The following GSTCD variants were observed in gnomAD, a reference collection of about 807,000 sequenced individuals.
GSTCD encodes the protein glutathione S-transferase C-terminal domain-containing protein.
GSTCD carries 44 observed loss-of-function variants against 68.3 expected under a neutral mutation model. The ratio of observed to expected loss-of-function variants is 0.64; its 90% confidence interval spans 0.51 to 0.83. GSTCD has a LOEUF of 0.83. Ranked by LOEUF, GSTCD falls within the 40% of genes least tolerant of loss-of-function variation. GSTCD has a pLI of 0.00. For synonymous variants in GSTCD, 273 were observed against 255.2 expected (o/e 1.07, Z -0.67); for missense variants, 739 against 735.9 (o/e 1.00, Z -0.05).
intron 1 of GSTCD, among the ~76,000 whole-genome samples, chr4:105,715,620 G>A (rs1289513359): frequency 6.6e-6 from 1 of 151,662 alleles, no homozygotes; most frequent in East Asian, 1.9e-4. Context: ...AAGTTCCTTA[G>A]TTTTAAAAAA....
chr4:105,730,704 C>T (rs1733206561), intron 5 of GSTCD, among the ~76,000 whole-genome samples: 1 of 152,166 alleles, frequency 6.6e-6, no homozygotes, highest in Non-Finnish European at 1.5e-5. Context: ...CCTGTTCACT[C>T]TGATGGTAGT....
chr4:105,825,648 T>G, intron 7 of GSTCD, 24 bp from the exon 8 acceptor site: 1 of 1,303,580 alleles, frequency 7.7e-7, no homozygotes, highest in Non-Finnish European at 1.1e-6. Context: ...CTAAATATAC[T>G]ATTGTTTTCT....
intron 5 of GSTCD, among the ~76,000 whole-genome samples, chr4:105,754,739 TAAAC>T (rs946535613): frequency 2.0e-5 from 3 of 152,108 alleles, no homozygotes; most frequent in African/African-American, 7.2e-5. Flanking sequence ...GCACATCTAA[TAAAC>T]AAGACATTAA....
chr4:105,734,620 C>T (rs1733389096), intron 5 of GSTCD, among the ~76,000 whole-genome samples: 2 of 152,096 alleles, frequency 1.3e-5, no homozygotes, highest in Middle Eastern at 3.4e-3. Context: ...AGCTTCTTTG[C>T]AATGGGTTCC....
chr4:105,845,431 T>A lies in GSTCD; in HGVS notation c.1766-10T>A. On this transcript the variant is annotated splice_polypyrimidine_tract_variant and intron_variant, in intron 11 of 11. Coordinates refer to ENST00000515279, the MANE Select transcript of GSTCD (RefSeq NM_001370181.1). ...AGGGTGTCTCATGATACCATTTGAC[T>A]GTGTTTCAGGAAAACAGTGCATGTG... The A allele has an allele frequency of 6.2e-7, 1 of 1,614,002 alleles. No homozygotes were observed. The highest frequency in any genetic ancestry group is 8.5e-7 in the Non-Finnish European group (1 of 1,179,934).
chr4:105,743,514 T>G (rs1184324073), intron 5 of GSTCD, among the ~76,000 whole-genome samples: 2 of 152,090 alleles, frequency 1.3e-5, no homozygotes, highest in African/African-American at 4.8e-5. Flanking sequence ...ATAATTGAGA[T>G]TTTTTAGTTT....
intron 11 of GSTCD, among the ~76,000 whole-genome samples, chr4:105,842,771 A>G (rs920558877): frequency 2.6e-5 from 4 of 152,184 alleles, no homozygotes; most frequent in African/African-American, 9.6e-5. Flanking sequence ...AAATATACAT[A>G]TGGGGTAGGT....
chr4:105,785,812 A>G (rs189764212), intron 5 of GSTCD, among the ~76,000 whole-genome samples: 1 of 152,184 alleles, frequency 6.6e-6, no homozygotes, highest in Non-Finnish European at 1.5e-5. Flanking sequence ...GGAGAAAACT[A>G]TCTCTATTTG....
chr4:105,790,495 A>G (rs578054736), intron 5 of GSTCD, among the ~76,000 whole-genome samples: 67 of 152,188 alleles, frequency 4.4e-4, no homozygotes, highest in South Asian at 1.7e-3. Flanking sequence ...TAAAACAATT[A>G]GCCAGGTGTA....
intron 5 of GSTCD, among the ~76,000 whole-genome samples, chr4:105,789,933 T>TA (rs924524520): frequency 6.9e-4 from 101 of 145,494 alleles, no homozygotes; most frequent in Admixed American, 7.5e-4. Flanking sequence ...CTCTAGTCAT[T>TA]AAAAAAAAAA....
intron 5 of GSTCD, among the ~76,000 whole-genome samples, chr4:105,744,121 T>G (rs929513053): frequency 2.0e-5 from 3 of 152,252 alleles, no homozygotes; most frequent in African/African-American, 7.2e-5. Context: ...TGGTCATTTT[T>G]GGAATAGTTC....
At chr4:105,777,008 T>A (rs1302739709) in intron 5 of GSTCD, among the ~76,000 whole-genome samples, 10 of 152,182 alleles carry the variant, frequency 6.6e-5, no homozygotes, top group Non-Finnish European at 4.4e-5. Context: ...GTTGGATTAA[T>A]CTTCATAATA....
At chr4:105,813,882 C>T (rs1270000800) in intron 5 of GSTCD, among the ~76,000 whole-genome samples, 6 of 152,034 alleles carry the variant, frequency 3.9e-5, no homozygotes, top group African/African-American at 1.4e-4. Context: ...TAATTTTCTC[C>T]AAATCATCAC....
At chr4:105,711,758 G>A (rs918242239) in intron 1 of GSTCD, among the ~76,000 whole-genome samples, 95 of 152,098 alleles carry the variant, frequency 6.2e-4, no homozygotes, top group Admixed American at 1.4e-3. Context: ...AGGTGGTCTG[G>A]CTCAACAGTC....
intron 11 of GSTCD, among the ~76,000 whole-genome samples, chr4:105,844,081 C>T (rs1327688056): frequency 1.3e-5 from 2 of 152,072 alleles, no homozygotes; most frequent in Non-Finnish European, 1.5e-5. Flanking sequence ...TGAAATTCTT[C>T]TACATAATGG....
chr4:105,769,860 A>T (rs1345504955), intron 5 of GSTCD, among the ~76,000 whole-genome samples: 1 of 152,034 alleles, frequency 6.6e-6, no homozygotes, highest in Non-Finnish European at 1.5e-5. Context: ...GGCTGAAGTG[A>T]TCCTCTCACC....
intron 5 of GSTCD, among the ~76,000 whole-genome samples, chr4:105,804,760 G>A (rs143147378): frequency 2.0e-5 from 3 of 152,078 alleles, no homozygotes; most frequent in East Asian, 3.9e-4. Context: ...GAATTAAGCC[G>A]AGCATCAATT....
intron 5 of GSTCD, among the ~76,000 whole-genome samples, chr4:105,734,800 C>T (rs11729003): frequency 0.054 from 8,164 of 152,100 alleles, 251 homozygotes; most frequent in Middle Eastern, 0.14. Flanking sequence ...TTTTTCCCCA[C>T]CTTTGTGGTT....
intron 5 of GSTCD, among the ~76,000 whole-genome samples, chr4:105,794,175 A>C (rs1340382733): frequency 6.6e-6 from 1 of 152,086 alleles, no homozygotes; most frequent in Non-Finnish European, 1.5e-5. Context: ...TAACAGTAAA[A>C]GCACATCTTA....
Sources: allele counts gnomAD v4.1 joint callset (sites outside exome capture counted in the v4.1 genomes callset), GRCh38; gene constraint gnomAD v4.1.1; transcripts MANE v1.5; gene names NCBI Gene and HGNC (gene_info 2026-07-23, HGNC 2026-07-21).